The following DMD variants were observed in gnomAD, a reference collection of about 807,000 sequenced individuals.
DMD encodes the protein mutant dystrophin.
In DMD, 63 loss-of-function variants were observed where a neutral mutation model predicts 330.1. That is an observed-to-expected ratio of 0.19 (90% confidence interval 0.16 to 0.24). The LOEUF (loss-of-function observed/expected upper bound fraction) is 0.24. Among genes scored for constraint, DMD ranks in the 10% least tolerant of loss-of-function variants. DMD has a pLI of 1.00. For missense variants in DMD, 3,344 were observed against 2,684.1 expected, an observed-to-expected ratio of 1.25 and a Z score of -5.43; for synonymous variants, 1,223 against 959.8, an observed-to-expected ratio of 1.27 and a Z score of -5.07.
intron 33 of DMD, among the ~76,000 whole-genome samples, chrX:32,384,159 T>C (rs997082644): frequency 2.7e-5 from 3 of 110,375 alleles, no homozygotes; most frequent in African/African-American, 9.8e-5. Flanking sequence ...ACTGAAGCTG[T>C]AGCATTAGGA....
At chrX:31,502,969 C>T in intron 56 of DMD, among the ~76,000 whole-genome samples, 1 of 111,597 alleles carries the variant, frequency 9.0e-6, no homozygotes, top group Non-Finnish European at 1.9e-5. Context: ...CTTTTTCTCC[C>T]ACTTAAAGCA....
intron 38 of DMD, among the ~76,000 whole-genome samples, chrX:32,347,322 C>T (rs1026800472): frequency 1.7e-4 from 19 of 112,008 alleles, no homozygotes; most frequent in Admixed American, 1.3e-3. Context: ...CACTTCACTT[C>T]TTTCCCTATA....
At chrX:31,724,020 TTAGA>T (rs2085803158) in intron 52 of DMD, among the ~76,000 whole-genome samples, 1 of 112,360 alleles carries the variant, frequency 8.9e-6, no homozygotes, top group South Asian at 3.7e-4. Context: ...ATCTCTGATA[TTAGA>T]TAGCACAGAG....
At chrX:32,416,186 A>G (rs1301079238) in intron 29 of DMD, among the ~76,000 whole-genome samples, 6 of 112,358 alleles carry the variant, frequency 5.3e-5, no homozygotes, top group Non-Finnish European at 1.1e-4. Flanking sequence ...TAGAAAAAAA[A>G]TCATTTAATA....
At chrX:32,268,716 G>A (rs1314516797) in intron 43 of DMD, among the ~76,000 whole-genome samples, 1 of 111,755 alleles carries the variant, frequency 8.9e-6, no homozygotes, top group Non-Finnish European at 1.9e-5. Flanking sequence ...CTTAAGCATG[G>A]CTAGTTTGAC....
At chrX:32,311,798 C>T (rs2097563587) in intron 41 of DMD, among the ~76,000 whole-genome samples, 1 of 111,716 alleles carries the variant, frequency 9.0e-6, no homozygotes, top group Non-Finnish European at 1.9e-5. Flanking sequence ...AAAAATAACT[C>T]AGCAGGCTAT....
rs780173777 is a variant in DMD at position 33,106,584 on chromosome X, AC to A, written c.32-86385del. On this transcript the variant is annotated intron_variant, in intron 1 of 78. Coordinates refer to ENST00000357033, the MANE Select transcript of DMD (RefSeq NM_004006.3). The stretch of plus-strand genomic sequence containing the variant: ...TTACTAGTAATCATGTAAAGCCAAA[AC>A]ATAAACATTCACAGGGCTTCCTGGT... Among the ~76,000 whole-genome samples, 16 of 112,137 alleles carry A rather than the reference AC, an allele frequency of 1.4e-4. No homozygotes were observed. The South Asian group carries it at 5.9e-3, about 42-fold the overall frequency.
chrX:31,384,027 A>G (rs965376734), intron 60 of DMD, among the ~76,000 whole-genome samples: 8 of 112,109 alleles, frequency 7.1e-5, no homozygotes, highest in Non-Finnish European at 1.1e-4. Context: ...CACTTAAGCC[A>G]TCTGCAGATG....
chrX:33,212,004 T>C (rs1024157589), upstream of DMD, among the ~76,000 whole-genome samples: 45 of 112,105 alleles, frequency 4.0e-4, no homozygotes, highest in Non-Finnish European at 8.3e-4. Flanking sequence ...AGTTATTTTT[T>C]CCCCTTGGGA....
chrX:32,263,161 C>T (rs1362179594), intron 43 of DMD, among the ~76,000 whole-genome samples: 1 of 111,806 alleles, frequency 8.9e-6, no homozygotes, highest in Non-Finnish European at 1.9e-5. Context: ...AAATGTACAT[C>T]AGTATTTATA....
chrX:33,288,914 TCA>T (rs2053473499), intron 1 of DMD, among the ~76,000 whole-genome samples: 1 of 111,104 alleles, frequency 9.0e-6, no homozygotes, highest in African/African-American at 3.3e-5. Flanking sequence ...CGAAAAGGGC[TCA>T]GTTACTATAG....
intron 18 of DMD, among the ~76,000 whole-genome samples, chrX:32,515,237 C>A (rs777739546): frequency 1.4e-4 from 16 of 110,646 alleles, no homozygotes; most frequent in Non-Finnish European, 2.5e-4. Context: ...GGAAGTGAAG[C>A]AAGGAAAAGA....
intron 50 of DMD, among the ~76,000 whole-genome samples, chrX:31,776,589 CAGGGAGGGAGGGAGGGAGGAAGG>C (rs1312629971): frequency 3.0e-5 from 2 of 66,841 alleles, no homozygotes; most frequent in African/African-American, 6.2e-5. Flanking sequence ...AGAAGAAAGT[CAGGGAGGGAGGGAGGGAGGAAGG>C]AGGGAGGGAG....
intron 1 of DMD, among the ~76,000 whole-genome samples, chrX:33,149,846 C>T (rs1646831278): frequency 9.0e-6 from 1 of 111,157 alleles, no homozygotes; most frequent in Admixed American, 9.7e-5. Context: ...CCCAGTTGAC[C>T]CACGCTCAAA....
chrX:33,310,227 G>T (rs1041862489), intron 1 of DMD, among the ~76,000 whole-genome samples: 1 of 111,093 alleles, frequency 9.0e-6, no homozygotes, highest in African/African-American at 3.3e-5. Flanking sequence ...TGTATAAACC[G>T]TACTTAAAAA....
intron 63 of DMD, among the ~76,000 whole-genome samples, chrX:31,228,275 T>A (rs5927710): frequency 0.015 from 1,259 of 83,582 alleles, 6 homozygotes; most frequent in Middle Eastern, 0.049. Flanking sequence ...AATAAAAAAA[T>A]AAAAAAAAAA....
intron 42 of DMD, among the ~76,000 whole-genome samples, chrX:32,300,602 T>A (rs1007446441): frequency 8.9e-5 from 10 of 111,931 alleles, no homozygotes; most frequent in Non-Finnish European, 1.7e-4. Context: ...ACATTTTGTG[T>A]TAAGTTGTAC....
At chrX:31,161,483 T>C (rs7883743) in intron 74 of DMD, among the ~76,000 whole-genome samples, 13,456 of 111,513 alleles carry the variant, frequency 0.12, 1,476 homozygotes, top group African/African-American at 0.33. Flanking sequence ...TTTCTCTCCA[T>C]GCACTAACCC....
chrX:31,953,400 C>G (rs747110895), intron 45 of DMD, among the ~76,000 whole-genome samples: 2 of 112,413 alleles, frequency 1.8e-5, no homozygotes, highest in South Asian at 7.4e-4. Context: ...ATGGCTTGTT[C>G]TACCTTGATA....
Sources: gnomAD v4.1 joint callset for allele counts (sites outside exome capture counted in the v4.1 genomes callset) on GRCh38, gnomAD v4.1.1 for gene constraint, MANE v1.5 for transcripts, NCBI Gene and HGNC (gene_info 2026-07-23, HGNC 2026-07-21) for gene names.